TAF12: variants seen among roughly 807,000 people sequenced by gnomAD.
TAF12 encodes the protein TATA-box binding protein associated factor 12, also known as transcription initiation factor TFIID subunit 12.
TAF12 carries 3 observed loss-of-function variants against 20.8 expected under a neutral mutation model. The ratio of observed to expected loss-of-function variants is 0.14; its 90% CI spans 0.07 to 0.37. TAF12 has a LOEUF of 0.37. Ranked by LOEUF, TAF12 falls within the 10% of genes least tolerant of loss-of-function variation. TAF12 has a pLI of 1.00. For synonymous variants in TAF12, 69 were observed against 70.2 expected (o/e 0.98, Z 0.09); for missense variants, 131 against 197.9 (o/e 0.66, Z 2.03).
chr1:28,622,816 T>C (rs1173401137), intron 1 of TAF12, among the ~76,000 whole-genome samples: 1 of 150,872 alleles, frequency 6.6e-6, no homozygotes, highest in African/African-American at 2.4e-5. Flanking sequence ...AGGTCAGGAG[T>C]TCGAGAGGAG....
Position 28,638,142 on chromosome 1 carries a change from A to G in TAF12, c.-85+4850T>C, listed in dbSNP as rs576999994. 2.6e-5 allele frequency among the ~76,000 whole-genome samples: 4 copies of G among 152,056 alleles called. No individual in the cohort carries two copies. In the South Asian group the frequency reaches 6.2e-4, roughly 24 times the overall value. ...CAGCCTCCTGAGTAGCTGGGATTAC[A>G]GGCGTCTGCCACCACATCCAGCTAA... On this transcript the variant is annotated intron_variant, in intron 1 of 5. Coordinates refer to ENST00000373824, the MANE Select transcript of TAF12 (RefSeq NM_005644.4).
intron 1 of TAF12, among the ~76,000 whole-genome samples, chr1:28,625,074 T>A (rs978611036): frequency 6.6e-6 from 1 of 152,230 alleles, no homozygotes; most frequent in African/African-American, 2.4e-5. Context: ...AAAAGCCTCA[T>A]TAAGGATCAT....
At chr1:28,618,243 G>A (rs982195025) in intron 2 of TAF12, among the ~76,000 whole-genome samples, 2 of 152,132 alleles carry the variant, frequency 1.3e-5, no homozygotes, top group Non-Finnish European at 2.9e-5. Context: ...TTGAAGACAG[G>A]CCAGCATCCA....
Position 28,633,434 on chromosome 1 carries a change from C to CTG in TAF12, c.-85+9556_-85+9557dup, listed in dbSNP as rs1385725347. The stretch of plus-strand genomic sequence containing the variant: ...CCACCCGCCTCAGCCTCCCAAAGTG[C>CTG]TGGGATTACAGGCATGAGACACTGT... On this transcript the variant is annotated intron_variant, in intron 1 of 5. Transcript: ENST00000373824. Among the ~76,000 whole-genome samples, 50 of 150,460 alleles carry CTG rather than the reference C, an allele frequency of 3.3e-4. No individual in the cohort carries two copies. In the East Asian group the frequency reaches 9.9e-3, roughly 30 times the overall value.
At chr1:28,645,395 A>G (rs1440173678), upstream of TAF12, among the ~76,000 whole-genome samples, 2 of 148,864 alleles carry the variant, frequency 1.3e-5, no homozygotes, top group Non-Finnish European at 3.0e-5. Context: ...CACGCCTGTA[A>G]TCCCAGCACT....
chr1:28,642,219 A>G (rs991204660), intron 1 of TAF12, among the ~76,000 whole-genome samples: 1 of 152,216 alleles, frequency 6.6e-6, no homozygotes, highest in Non-Finnish European at 1.5e-5. Flanking sequence ...TGACACAAGA[A>G]AAGCTTGCCA....
intron 1 of TAF12, among the ~76,000 whole-genome samples, chr1:28,635,049 C>T (rs541630729): frequency 2.0e-5 from 3 of 150,352 alleles, no homozygotes; most frequent in Non-Finnish European, 3.0e-5. Flanking sequence ...AGGGTGAAAC[C>T]TCACCTCTAC....
chr1:28,643,186 G>T, upstream of TAF12: 1 of 874,246 alleles, frequency 1.1e-6, no homozygotes, highest in Non-Finnish European at 1.4e-6. Context: ...CCTCCGACAC[G>T]TGGTGGCGAT....
At chr1:28,616,243 G>T (rs543805151) in intron 3 of TAF12, among the ~76,000 whole-genome samples, 1 of 150,608 alleles carries the variant, frequency 6.6e-6, no homozygotes, top group East Asian at 2.0e-4. Context: ...CTAAAAATAC[G>T]AAATTAGTCA....
intron 1 of TAF12, among the ~76,000 whole-genome samples, chr1:28,641,378 G>A (rs1018185730): frequency 2.6e-5 from 4 of 152,090 alleles, no homozygotes; most frequent in African/African-American, 9.7e-5. Context: ...AGCTACTTGA[G>A]AGGCTGAGGC....
chr1:28,628,221 C>CGGG (rs1667484797), intron 1 of TAF12, among the ~76,000 whole-genome samples: 1 of 10,292 alleles, frequency 9.7e-5, no homozygotes, highest in African/African-American at 7.6e-4. Context: ...AGACACGGTG[C>CGGG]AGGGGGTGGG....
At chr1:28,627,768 G>A (rs576333920) in intron 1 of TAF12, among the ~76,000 whole-genome samples, 2 of 151,258 alleles carry the variant, frequency 1.3e-5, no homozygotes, top group Admixed American at 1.3e-4. Context: ...ATTTACTGCT[G>A]TCACTGACCT....
rs573208391 is a variant in TAF12 at position 28,629,854 on chromosome 1, G to A, written c.-84-7689C>T. ...GGTGTCTTGCTATGTTGCCCAGGAT[G>A]GCCCTGAACTCTTTGCCTCTATCAG... On this transcript the variant is annotated intron_variant, in intron 1 of 5. Transcript: ENST00000373824. 2.0e-5 allele frequency among the ~76,000 whole-genome samples: 3 copies of A among 152,180 alleles called. No individual in the cohort carries two copies. In the South Asian group the frequency reaches 6.2e-4, roughly 32 times the overall value.
intron 1 of TAF12, among the ~76,000 whole-genome samples, chr1:28,632,657 T>C (rs1389493306): frequency 6.6e-6 from 1 of 151,894 alleles, no homozygotes; most frequent in Non-Finnish European, 1.5e-5. Context: ...AAAAAAGTTA[T>C]AGGGATGGAA....
chr1:28,648,114 C>A (rs1270496463), upstream of TAF12: 1 of 969,326 alleles, frequency 1.0e-6, no homozygotes, highest in East Asian at 1.1e-4. Context: ...CCTGCCTGGG[C>A]TGCTCCAAGG....
chr1:28,633,365 G>A (rs956358189), intron 1 of TAF12, among the ~76,000 whole-genome samples: 2 of 139,972 alleles, frequency 1.4e-5, no homozygotes, highest in African/African-American at 2.7e-5. Flanking sequence ...ATGGCATTTC[G>A]TCATGTTGGC....
intron 1 of TAF12, among the ~76,000 whole-genome samples, chr1:28,627,391 GAAAA>G (rs771889346): frequency 2.0e-4 from 13 of 63,650 alleles, no homozygotes; most frequent in African/African-American, 5.5e-4. Flanking sequence ...CCGTCTCAAA[GAAAA>G]AAAAAAAAAA....
At chr1:28,643,300 C>T (rs1570348288), upstream of TAF12, 1 of 165,424 alleles carries the variant, frequency 6.0e-6, no homozygotes, top group East Asian at 1.9e-4. Flanking sequence ...CGTTAAGAAT[C>T]CTTCACTAGC....
upstream of TAF12, chr1:28,646,026 C>T (rs1306947114): frequency 2.0e-5 from 3 of 150,720 alleles, no homozygotes; most frequent in Admixed American, 6.6e-5. Context: ...GTAATCCCAA[C>T]ACTTTGGGAG....
Sources: gnomAD v4.1 joint callset for allele counts (sites outside exome capture counted in the v4.1 genomes callset) on GRCh38, gnomAD v4.1.1 for gene constraint, MANE v1.5 for transcripts, NCBI Gene and HGNC (gene_info 2026-07-23, HGNC 2026-07-21) for gene names.